SBF2: variants seen among roughly 807,000 people sequenced by gnomAD.
SBF2 encodes myotubularin-related protein 13.
Under a neutral mutation model 225.2 loss-of-function variants are expected in SBF2, and 112 were observed. The ratio of observed to expected loss-of-function variants is 0.50; its 90% CI spans 0.43 to 0.58. SBF2 has a LOEUF of 0.58. SBF2 is among the 20% of genes least tolerant of loss of function. SBF2 has a pLI of 0.00. For missense variants in SBF2, 1,996 were observed against 2,206.2 expected, an observed-to-expected ratio of 0.90 and a Z score of 1.91; for synonymous variants, 763 against 773.3, an observed-to-expected ratio of 0.99 and a Z score of 0.22.
intron 1 of SBF2, among the ~76,000 whole-genome samples, chr11:10,299,712 G>A (rs774705564): frequency 5.3e-5 from 8 of 151,770 alleles, no homozygotes; most frequent in Non-Finnish European, 8.8e-5. Context: ...GTATGTGTAT[G>A]TGGGGAGGGG....
chr11:10,156,866 C>T (rs1276745873), intron 2 of SBF2, among the ~76,000 whole-genome samples: 1 of 152,146 alleles, frequency 6.6e-6, no homozygotes, highest in Non-Finnish European at 1.5e-5. Context: ...AGATTCAATG[C>T]TATGCCTATT....
chr11:9,838,016 G>A (rs6483750), intron 26 of SBF2: 42,014 of 150,090 alleles, frequency 0.28, 6,603 homozygotes, highest in African/African-American at 0.42. Flanking sequence ...GATTACAGGC[G>A]TGAGCCACTG....
chr11:9,910,085 C>T (rs1862471862), intron 16 of SBF2, among the ~76,000 whole-genome samples: 1 of 152,096 alleles, frequency 6.6e-6, no homozygotes, highest in Admixed American at 6.6e-5. Flanking sequence ...GGGAACATTT[C>T]TTATGATACA....
intron 2 of SBF2, among the ~76,000 whole-genome samples, chr11:10,110,392 A>G (rs1952781331): frequency 6.6e-6 from 1 of 152,196 alleles, no homozygotes; most frequent in African/African-American, 2.4e-5. Flanking sequence ...TAATTAAAAT[A>G]GAAAATTTTA....
rs546212389 is a variant in SBF2 at position 10,236,879 on chromosome 11, G to A, written c.56-42892C>T. Among the ~76,000 whole-genome samples, 33 of 152,250 alleles carry A rather than the reference G, an allele frequency of 2.2e-4. No individual in the cohort carries two copies. In the South Asian group the frequency reaches 6.4e-3, roughly 30 times the overall value. On this transcript the variant is annotated intron_variant, in intron 1 of 39. Transcript: ENST00000256190. The stretch of plus-strand genomic sequence containing the variant: ...TTCTCTGATGGAAACAAATAGAAAA[G>A]CTGGATAAATCTGATTAAAGGCATT...
chr11:10,171,706 C>T (rs988269265), intron 2 of SBF2, among the ~76,000 whole-genome samples: 2 of 152,090 alleles, frequency 1.3e-5, no homozygotes, highest in Admixed American at 6.5e-5. Flanking sequence ...TAGTTTGAGT[C>T]GAAATTGCAT....
At chr11:10,222,131 GT>G (rs933351869) in intron 1 of SBF2, among the ~76,000 whole-genome samples, 10 of 152,154 alleles carry the variant, frequency 6.6e-5, no homozygotes, top group African/African-American at 2.4e-4. Flanking sequence ...TGCAGTTTTT[GT>G]CCCATCATGT....
intron 2 of SBF2, among the ~76,000 whole-genome samples, chr11:10,083,807 C>A (rs1951454582): frequency 6.6e-6 from 1 of 152,094 alleles, no homozygotes; most frequent in African/African-American, 2.4e-5. Flanking sequence ...CTCTTCTGGA[C>A]ATTGACCTAA....
rs561047005 is a variant in SBF2 at position 9,952,616 on chromosome 11, G to A, written c.1860+9341C>T. Among the ~76,000 whole-genome samples, 4 of 152,206 alleles carry A rather than the reference G, an allele frequency of 2.6e-5. No individual in the cohort carries two copies. The South Asian group carries it at 6.2e-4, about 24-fold the overall frequency. ...GCCTCCTCTCCTGTTCTGCCTGTGG[G>A]TTTATGTATTTTTTTAAGTGGCTTA... is the stretch of plus-strand genomic sequence containing the variant. On this transcript the variant is annotated intron_variant, in intron 16 of 39. Transcript: ENST00000256190.
intron 6 of SBF2, among the ~76,000 whole-genome samples, chr11:10,011,662 CT>C (rs1352987396): frequency 1.3e-5 from 2 of 152,112 alleles, no homozygotes; most frequent in African/African-American, 2.4e-5. Flanking sequence ...TCTTTCAGTG[CT>C]TTTAATATGT....
chr11:10,168,483 T>C (rs1055524792), intron 2 of SBF2, among the ~76,000 whole-genome samples: 2 of 152,192 alleles, frequency 1.3e-5, no homozygotes, highest in South Asian at 2.1e-4. Context: ...CAGCATCACA[T>C]GGTCATTCTA....
Position 9,785,305 on chromosome 11 carries a change from A to C in SBF2, c.5051T>G (p.Leu1684Arg). 6.2e-7 allele frequency: 1 copy of C among 1,614,158 alleles called. No individual in the cohort carries two copies. The highest frequency in any genetic ancestry group is 8.5e-7 in the Non-Finnish European group (1 of 1,179,980). The change falls in exon 37 of 40, where the codon CTG (leucine) becomes CGG (arginine). Residue 1684 changes from leucine (L) to arginine (R), a missense_variant. Physicochemically the swap from Leu to Arg is moderately radical, Grantham distance 102. Transcript: ENST00000256190. ...EPRTDRSQRH[L>R]SRSPGIVSTN... ...AGACACAATTCCTGGGGATCTCGAC[A>C]GGTGTCTTTGGGACTGAAAAAGACA...
At chr11:10,232,415 G>T (rs972066908) in intron 1 of SBF2, among the ~76,000 whole-genome samples, 7 of 152,192 alleles carry the variant, frequency 4.6e-5, no homozygotes, top group Non-Finnish European at 8.8e-5. Flanking sequence ...GGGAGCTGTA[G>T]ACTGGAGCTG....
At chr11:10,094,751 G>A (rs77092969) in intron 2 of SBF2, among the ~76,000 whole-genome samples, 26,025 of 151,200 alleles carry the variant, frequency 0.17, 2,418 homozygotes, top group East Asian at 0.28. Flanking sequence ...TGATCCACCC[G>A]CCTCGGCCTC....
intron 16 of SBF2, among the ~76,000 whole-genome samples, chr11:9,929,665 T>C (rs1296420400): frequency 6.6e-6 from 1 of 152,144 alleles, no homozygotes; most frequent in East Asian, 1.9e-4. Flanking sequence ...AACCAATGCT[T>C]CAAAAGTTGA....
At chr11:10,263,501 G>A (rs1427023389) in intron 1 of SBF2, among the ~76,000 whole-genome samples, 1 of 151,934 alleles carries the variant, frequency 6.6e-6, no homozygotes, top group African/African-American at 2.4e-5. Context: ...AGCTACAATA[G>A]GTTAATTACT....
intron 1 of SBF2, among the ~76,000 whole-genome samples, chr11:10,291,346 G>A (rs1308023289): frequency 6.6e-6 from 1 of 152,104 alleles, no homozygotes; most frequent in Non-Finnish European, 1.5e-5. Context: ...ACATGGCTAT[G>A]AGGAAGCATG....
At position 9,850,168 on chromosome 11, in the gene SBF2, C is replaced by G; in HGVS notation, c.2661G>C (p.Glu887Asp). The stretch of plus-strand genomic sequence containing the variant: ...CAGGATCCAGCAAGACTCGAAGACC[C>G]TCACAGACAATTTCTTCTCCTGGCA... ...ALLPGEEIVC[E>D]GLRVLLDPDG... The change falls in exon 22 of 40, where the codon GAG (glutamate) becomes GAC (aspartate). Residue 887 changes from glutamate (E) to aspartate (D), a missense_variant. By Grantham distance (45) the Glu-to-Asp change is conservative. Transcript: ENST00000256190. The G allele has an allele frequency of 6.2e-7, 1 of 1,614,016 alleles. No individual in the cohort carries two copies. Among genetic ancestry groups the G allele is most frequent in the Non-Finnish European group, 8.5e-7 (1 of 1,180,016 alleles).
At chr11:10,166,998 A>G (rs1393985049) in intron 2 of SBF2, among the ~76,000 whole-genome samples, 2 of 136,578 alleles carry the variant, frequency 1.5e-5, no homozygotes, top group African/African-American at 5.4e-5. Flanking sequence ...CAAAAAGGCT[A>G]CTAATTGAAA....
Sources: allele counts gnomAD v4.1 joint callset (sites outside exome capture counted in the v4.1 genomes callset), GRCh38; gene constraint gnomAD v4.1.1; transcripts MANE v1.5; gene names NCBI Gene and HGNC (gene_info 2026-07-23, HGNC 2026-07-21).